Variants in CEACAM6 observed in about 807,000 individuals in gnomAD.
The protein encoded by CEACAM6 is CEA cell adhesion molecule 6.
In CEACAM6, 21 loss-of-function variants were observed where a neutral mutation model predicts 32.4. The observed-to-expected ratio is 0.65, with a 90% CI of 0.46 to 0.93. The LOEUF (loss-of-function observed/expected upper bound fraction) is 0.93, where lower values mean the gene tolerates loss of function less well. CEACAM6 is among the 40% of genes least tolerant of loss of function. The pLI is 0.00. For synonymous variants in CEACAM6, 184 were observed against 174.4 expected, an observed-to-expected ratio of 1.06 and a Z score of -0.43; for missense variants, 406 against 432.2, an observed-to-expected ratio of 0.94 and a Z score of 0.54.
intron 2 of CEACAM6, among the ~76,000 whole-genome samples, chr19:41,760,354 G>A (rs183214819): frequency 2.0e-5 from 3 of 152,328 alleles, no homozygotes; most frequent in South Asian, 2.1e-4. Flanking sequence ...TCTCATATCT[G>A]TCAAACACAC....
At chr19:41,767,223 T>C (rs1379104770) in intron 5 of CEACAM6, among the ~76,000 whole-genome samples, 4 of 152,070 alleles carry the variant, frequency 2.6e-5, no homozygotes, top group Non-Finnish European at 5.9e-5. Context: ...AAAAACAGGG[T>C]GATCTCCCCT....
At chr19:41,762,269 C>G (rs998064350) in intron 4 of CEACAM6, 46 bp downstream of exon 4, 4 of 1,589,072 alleles carry the variant, frequency 2.5e-6, no homozygotes, top group Non-Finnish European at 3.4e-6. Context: ...CAGGTGGAGT[C>G]TGGCTCTCAG....
At chr19:41,770,374 G>A (rs112000624) in intron 5 of CEACAM6, among the ~76,000 whole-genome samples, 4,974 of 151,744 alleles carry the variant, frequency 0.033, 190 homozygotes, top group African/African-American at 0.091. Flanking sequence ...AGTGAGCTGC[G>A]CTCCAGCCTG....
Position 41,762,066 on chromosome 19 carries a change from A to G in CEACAM6, c.801A>G (p.Ala267=). The change falls in exon 4 of 6, where the codon GCA becomes GCG. Residue 267 remains alanine, a synonymous_variant. Coordinates refer to ENST00000199764, the MANE Select transcript of CEACAM6 (RefSeq NM_002483.7). ...GCCACGCAGCCTCTAACCCACCTGC[A>G]CAGTACTCTTGGTTTATCAATGGGA... ...LSCHAASNPP[A]QYSWFINGTF... is the part of the protein sequence containing the mutation. The G allele has an allele frequency of 6.2e-7, 1 of 1,614,212 alleles. No individual in the cohort carries two copies. The highest frequency in any genetic ancestry group is 8.5e-7 in the Non-Finnish European group (1 of 1,180,038).
intron 2 of CEACAM6, among the ~76,000 whole-genome samples, chr19:41,757,308 G>C (rs537634918): frequency 8.1e-4 from 123 of 152,060 alleles, no homozygotes; most frequent in African/African-American, 2.8e-3. Context: ...TCCCCCTAGG[G>C]ACCCCTCAGA....
At chr19:41,767,252 A>T (rs2072962194) in intron 5 of CEACAM6, among the ~76,000 whole-genome samples, 1 of 152,060 alleles carries the variant, frequency 6.6e-6, no homozygotes, top group Non-Finnish European at 1.5e-5. Flanking sequence ...TGCCCTGTGG[A>T]CTTACTCACA....
chr19:41,761,205 C>T, intron 2 of CEACAM6, 44 bp from the exon 3 acceptor site: 1 of 1,613,292 alleles, frequency 6.2e-7, no homozygotes, highest in South Asian at 1.1e-5. Context: ...GTGGAGGAAT[C>T]AAAGGTGCCA....
rs782541686 is a variant in CEACAM6 at position 41,755,682 on chromosome 19, G to A, written c.44G>A (p.Trp15Ter). 2.9e-5 allele frequency: 47 copies of A among 1,605,612 alleles called. 1 individual carries two copies. Among genetic ancestry groups the A allele is most frequent in the Middle Eastern group, 1.7e-4 (1 of 6,016 alleles). Residue 15 changes from tryptophan to a stop codon, truncating the protein, a stop_gained, in exon 1 of 6, where the codon TGG becomes TAG. Transcript: ENST00000199764. LOFTEE classifies it high-confidence loss of function. ...CCTCCCTGCAGATTGCATGTCCCCT[G>A]GAAGGAGGTCCTGCTCACAGGTGAG... Reference protein sequence around the residue: ...SAPPCRLHVPWKEVLLTASLL... With the variant: ...SAPPCRLHVP
At chr19:41,767,520 T>A (rs1555822491) in intron 5 of CEACAM6, among the ~76,000 whole-genome samples, 1 of 152,038 alleles carries the variant, frequency 6.6e-6, no homozygotes, top group Non-Finnish European at 1.5e-5. Context: ...TTCAGATAAA[T>A]CTGATGGGAA....
intron 2 of CEACAM6, among the ~76,000 whole-genome samples, chr19:41,759,235 A>G (rs12459454): frequency 0.25 from 38,409 of 152,076 alleles, 5,276 homozygotes; most frequent in Middle Eastern, 0.39. Context: ...TGATGATGCC[A>G]TTGTCATAAG....
At chr19:41,766,834 G>A (rs1456418684) in intron 5 of CEACAM6, among the ~76,000 whole-genome samples, 2 of 151,758 alleles carry the variant, frequency 1.3e-5, no homozygotes, top group African/African-American at 4.8e-5. Context: ...GTGAAACCCC[G>A]TCTCTAGTAA....
intron 5 of CEACAM6, 101 bp downstream of exon 5, chr19:41,766,400 T>G (rs1568728013): frequency 1.8e-6 from 1 of 541,994 alleles, no homozygotes; most frequent in Non-Finnish European, 3.2e-6. Flanking sequence ...TGGATCTCCT[T>G]CTACCGCTAA....
chr19:41,755,733 G>A (rs2072881107), intron 1 of CEACAM6, 31 bp downstream of exon 1: 1 of 1,572,534 alleles, frequency 6.4e-7, no homozygotes, highest in Admixed American at 1.9e-5. Flanking sequence ...GAGTGGATGG[G>A]AGGAGGGAGC....
chr19:41,759,555 A>G (rs1353374536), intron 2 of CEACAM6, among the ~76,000 whole-genome samples: 2 of 152,122 alleles, frequency 1.3e-5, no homozygotes, highest in Non-Finnish European at 2.9e-5. Flanking sequence ...GAGGACTCAT[A>G]TGCCTCTCTC....
chr19:41,757,446 G>C (rs2072895856), intron 2 of CEACAM6, among the ~76,000 whole-genome samples: 1 of 152,146 alleles, frequency 6.6e-6, no homozygotes, highest in African/African-American at 2.4e-5. Flanking sequence ...CTGGCTGGGA[G>C]CAAGGATGTG....
intron 4 of CEACAM6, among the ~76,000 whole-genome samples, chr19:41,763,281 A>G (rs143307660): frequency 3.9e-5 from 6 of 152,182 alleles, no homozygotes; most frequent in African/African-American, 1.2e-4. Context: ...CCTGTGACCC[A>G]CAGCCTGACC....
Position 41,761,497 on chromosome 19 carries a change from C to T in CEACAM6, c.673C>T (p.Arg225Cys), listed in dbSNP as rs187864306. 82 of 1,614,178 alleles carry T rather than the reference C, an allele frequency of 5.1e-5. No homozygotes were observed. The highest frequency in any genetic ancestry group is 1.6e-4 in the Middle Eastern group (1 of 6,062). ...AATACAGAACCCAGCGAGTGCCAAC[C>T]GCAGTGACCCAGTCACCCTGAATGT... Reference protein sequence around the residue: ...CEIQNPASANRSDPVTLNVLY... With the variant: ...CEIQNPASANCSDPVTLNVLY... Residue 225 changes from arginine to cysteine, a missense_variant, in exon 3 of 6, where the codon CGC (arginine) becomes TGC (cysteine). By Grantham distance (180) the Arg-to-Cys change is radical. Coordinates refer to ENST00000199764, the MANE Select transcript of CEACAM6 (RefSeq NM_002483.7).
intron 1 of CEACAM6, 150 bp downstream of exon 1, chr19:41,755,852 C>T (rs1028953337): frequency 2.6e-5 from 14 of 540,346 alleles, no homozygotes; most frequent in African/African-American, 2.4e-4. Context: ...GGGGTCACAA[C>T]AGGAAAGTCA....
intron 4 of CEACAM6, among the ~76,000 whole-genome samples, chr19:41,764,435 T>C (rs1331158768): frequency 6.6e-6 from 1 of 151,938 alleles, no homozygotes; most frequent in East Asian, 1.9e-4. Context: ...TACAGGCATA[T>C]GCCATCATGC....
Sources: allele counts gnomAD v4.1 joint callset (sites outside exome capture counted in the v4.1 genomes callset), GRCh38; gene constraint gnomAD v4.1.1; transcripts MANE v1.5; gene names NCBI Gene and HGNC (gene_info 2026-07-23, HGNC 2026-07-21).